The following GART variants were observed in gnomAD, a reference collection of about 807,000 sequenced individuals.
The protein encoded by GART is phosphoribosylglycinamide formyltransferase, phosphoribosylglycinamide synthetase, phosphoribosylaminoimidazole synthetase.
Under a neutral mutation model 107.2 loss-of-function variants are expected in GART, and 43 were observed. That is an observed-to-expected ratio of 0.40 (90% CI 0.31 to 0.52). GART has a LOEUF of 0.52. Ranked by LOEUF, GART falls within the 20% of genes least tolerant of loss-of-function variation. The pLI is 0.52. For missense variants in GART, 1,107 were observed against 1,206.5 expected, an observed-to-expected ratio of 0.92 and a Z score of 1.22; for synonymous variants, 434 against 427.0, an observed-to-expected ratio of 1.02 and a Z score of -0.20.
intron 18 of GART, among the ~76,000 whole-genome samples, chr21:33,507,161 C>T (rs937441138): frequency 6.6e-6 from 1 of 152,238 alleles, no homozygotes; most frequent in East Asian, 1.9e-4. Context: ...TGTTTATCAG[C>T]AGACAAATGG....
At position 33,534,450 on chromosome 21, in the gene GART, C is replaced by G. The variant is rs1219225255; in HGVS notation, c.416+129G>C. 1.8e-5 allele frequency: 16 copies of G among 882,790 alleles called. No individual in the cohort carries two copies. In the East Asian group the frequency reaches 3.9e-4, roughly 22 times the overall value. 54.7% of individuals were successfully genotyped at this position (882,790 alleles called of 1,614,324 possible). Reference sequence around the variant, plus strand: ...CAGGCTGGTCTCTAACTCCTGAGCTCAAGTGATTCACCTGCCTTGGCCTCC... The same window carrying G: ...CAGGCTGGTCTCTAACTCCTGAGCTGAAGTGATTCACCTGCCTTGGCCTCC... On this transcript the variant is annotated intron_variant, in intron 4 of 21. Coordinates refer to ENST00000381815, the MANE Select transcript of GART (RefSeq NM_000819.5).
intron 7 of GART, 96 bp from the exon 8 acceptor site, chr21:33,529,033 C>A: frequency 1.4e-6 from 1 of 712,870 alleles, no homozygotes. Context: ...GAGGATAACT[C>A]ATTTTTTTAC....
chr21:33,531,788 T>C (rs2085196291), intron 5 of GART: 3 of 457,790 alleles, frequency 6.6e-6, no homozygotes, highest in Admixed American at 3.8e-5. Flanking sequence ...ACCTCTAATA[T>C]TCTCCTGAAG....
At position 33,520,502 on chromosome 21, in the gene GART, T is replaced by G; in HGVS notation, c.1564A>C (p.Asn522His). Residue 522 changes from asparagine to histidine, a missense_variant, in exon 14 of 22, where the codon AAT becomes CAT. By Grantham distance (68) the Asn-to-His change is moderately conservative. Transcript: ENST00000381815. ...TCTGCTCCTTGTGCCAGAATATCATTAACACACATTGCTACCAAATCTTGA... is the reference window on the plus strand; with the variant it reads ...TCTGCTCCTTGTGCCAGAATATCATGAACACACATTGCTACCAAATCTTGA... ...IGQDLVAMCVNDILAQGAEPL... is the reference protein window; with the variant it reads ...IGQDLVAMCVHDILAQGAEPL... The G allele has an allele frequency of 1.2e-6, 2 of 1,614,196 alleles. No homozygotes were observed. The highest frequency in any genetic ancestry group is 1.7e-6 in the Non-Finnish European group (2 of 1,180,034).
At chr21:33,519,936 ATAT>A (rs1037298131) in intron 14 of GART, among the ~76,000 whole-genome samples, 1 of 151,632 alleles carries the variant, frequency 6.6e-6, no homozygotes, top group African/African-American at 2.4e-5. Flanking sequence ...ACTTGGGCGT[ATAT>A]TATTATTTAT....
chr21:33,531,391 G>T, intron 6 of GART, 98 bp downstream of exon 6: 1 of 1,033,896 alleles, frequency 9.7e-7, no homozygotes, highest in Non-Finnish European at 1.4e-6. Context: ...TATGTTTTTA[G>T]ATGAAGCAAC....
chr21:33,511,162 G>C (rs968237033), intron 17 of GART, 90 bp downstream of exon 17: 1 of 1,336,458 alleles, frequency 7.5e-7, no homozygotes, highest in East Asian at 2.3e-5. Flanking sequence ...GCACTAAAAG[G>C]TGGGCAGAAA....
intron 10 of GART, among the ~76,000 whole-genome samples, chr21:33,527,070 C>T (rs989296871): frequency 2.0e-5 from 3 of 152,166 alleles, no homozygotes; most frequent in Admixed American, 6.5e-5. Context: ...GGAAATTTTA[C>T]CAATGCAAGG....
chr21:33,527,319 G>A (rs2085092071), intron 10 of GART, among the ~76,000 whole-genome samples: 1 of 152,054 alleles, frequency 6.6e-6, no homozygotes, highest in Non-Finnish European at 1.5e-5. Context: ...AGGAGTTCGA[G>A]ACCAGCCGGG....
intron 1 of GART, 76 bp from the exon 2 acceptor site, chr21:33,539,432 C>A: frequency 9.0e-7 from 1 of 1,108,120 alleles, no homozygotes; most frequent in Non-Finnish European, 1.3e-6. Flanking sequence ...GTGGCTCATG[C>A]CTGTACCCCC....
chr21:33,542,848 A>G, upstream of GART: 1 of 573,572 alleles, frequency 1.7e-6, no homozygotes, highest in Non-Finnish European at 3.1e-6. Context: ...GTCAGACACT[A>G]ACATGGCGGA....
chr21:33,505,525 G>T (rs2084663057), intron 20 of GART, 36 bp downstream of exon 20: 2 of 1,559,756 alleles, frequency 1.3e-6, no homozygotes, highest in African/African-American at 2.7e-5. Flanking sequence ...ATTTTCAATT[G>T]ATTTCCCAAT....
rs1212405471 is a variant in GART, at chr21:33,520,919, C to A, written c.1490G>T (p.Gly497Val). The A allele has an allele frequency of 6.2e-7, 1 of 1,611,882 alleles. No homozygotes were observed. Among genetic ancestry groups the A allele is most frequent in the Non-Finnish European group, 8.5e-7 (1 of 1,179,110 alleles). The change falls in exon 13 of 22, where the codon GGA (glycine) becomes GTA (valine). Residue 497 changes from glycine (G) to valine (V), a missense_variant. By Grantham distance (109) the Gly-to-Val change is moderately radical. Transcript: ENST00000381815. ...GTGTCTGATTACCTTTAGTTTAGTT[C>A]CAACGCCATCTGTTCCAGAGGCCAG... The part of the protein sequence containing the change: ...PLLASGTDGV[G>V]TKLKIAQLCN...
In GART at chr21:33,528,519, T is replaced by A. The variant is rs754134434; in HGVS notation, c.897A>T (p.Gln299His). The part of the protein sequence containing the change: ...FNCRFGDPEC[Q>H]VILPLLKSDL... The stretch of plus-strand genomic sequence containing the variant: ...GTAATACTTTGATATTTTTACCCAC[T>A]TGGCACTCTGGATCACCAAAACGGC... Residue 299 changes from glutamine (Q) to histidine (H), a missense_variant and splice_region_variant, in exon 9 of 22, where the codon CAA (glutamine) becomes CAT (histidine). Transcript: ENST00000381815. The A allele has an allele frequency of 6.7e-5, 107 of 1,601,940 alleles. No homozygotes were observed. Among genetic ancestry groups the A allele is most frequent in the Non-Finnish European group, 8.5e-5 (100 of 1,175,784 alleles).
chr21:33,528,351 C>A lies in GART; in HGVS notation c.898-16G>T, dbSNP rs779488256. ...GGAGGATTACCTGGAAAAACATAAT[C>A]CACATGGCAGGTGGGATAAATTTTA... is the stretch of plus-strand genomic sequence containing the variant. On this transcript the variant is annotated splice_polypyrimidine_tract_variant and intron_variant, in intron 9 of 21. Transcript: ENST00000381815. 2 of 1,612,278 alleles carry A rather than the reference C, an allele frequency of 1.2e-6. No individual in the cohort carries two copies. Among genetic ancestry groups the A allele is most frequent in the East Asian group, 4.5e-5 (2 of 44,854 alleles).
Position 33,535,246 on chromosome 21 carries a change from G to T in GART, c.220C>A (p.Pro74Thr). Reference protein sequence around the residue: ...EKKIEFVVVGPEAPLAAGIVG... With the variant: ...EKKIEFVVVGTEAPLAAGIVG... ...TTACCAGCAGCCAGAGGTGCTTCTG[G>T]TCCAACAACTACAAATTCAATTTTC... Residue 74 changes from proline (P) to threonine (T), a missense_variant, in exon 3 of 22, where the codon CCA becomes ACA. By Grantham distance (38) the Pro-to-Thr change is conservative. Coordinates refer to ENST00000381815, the MANE Select transcript of GART (RefSeq NM_000819.5). 6.4e-7 allele frequency: 1 copy of T among 1,559,476 alleles called. No individual in the cohort carries two copies. Among genetic ancestry groups the T allele is most frequent in the Non-Finnish European group, 8.7e-7 (1 of 1,151,256 alleles).
At position 33,528,249 on chromosome 21, in the gene GART, C is replaced by A; in HGVS notation, c.984G>T (p.Trp328Cys). Residue 328 changes from tryptophan to cysteine, a missense_variant, in exon 10 of 22, where the codon TGG becomes TGT. Transcript: ENST00000381815. Reference sequence around the variant, plus strand: ...CAGTTAGGGCGGTGTGGTTTTCTAGCCAAACAGGCAGAGATGTGCAGAGCA... The same window carrying A: ...CAGTTAGGGCGGTGTGGTTTTCTAGACAAACAGGCAGAGATGTGCAGAGCA... ...DGLLCTSLPV[W>C]LENHTALTVV... 1.2e-6 allele frequency: 2 copies of A among 1,614,064 alleles called. No homozygotes were observed. Among genetic ancestry groups the A allele is most frequent in the Non-Finnish European group, 1.7e-6 (2 of 1,180,002 alleles).
intron 16 of GART, among the ~76,000 whole-genome samples, chr21:33,513,462 C>T (rs1025491074): frequency 1.3e-5 from 2 of 151,976 alleles, no homozygotes; most frequent in African/African-American, 4.8e-5. Context: ...CCCAGCTACT[C>T]GGGAGGCTGA....
chr21:33,533,205 C>T (rs1046329250), intron 4 of GART, among the ~76,000 whole-genome samples: 1 of 149,470 alleles, frequency 6.7e-6, no homozygotes, highest in Non-Finnish European at 1.5e-5. Context: ...TTTGGGAGGC[C>T]GAGGCGGGCG....
Sources: allele counts gnomAD v4.1 joint callset (sites outside exome capture counted in the v4.1 genomes callset), GRCh38; gene constraint gnomAD v4.1.1; transcripts MANE v1.5; gene names NCBI Gene and HGNC (gene_info 2026-07-23, HGNC 2026-07-21).